The following GRIK1 variants were observed in gnomAD, a reference collection of about 807,000 sequenced individuals.
GRIK1 encodes glutamate ionotropic receptor kainate type subunit 1.
Under a neutral mutation model 105.7 loss-of-function variants are expected in GRIK1, and 69 were observed. The ratio of observed to expected loss-of-function variants is 0.65; its 90% CI spans 0.54 to 0.80. The LOEUF (loss-of-function observed/expected upper bound fraction) is 0.80, where lower values mean the gene tolerates loss of function less well. Ranked by LOEUF, GRIK1 falls within the 30% of genes least tolerant of loss-of-function variation. GRIK1 has a pLI of 0.00. For synonymous variants in GRIK1, 438 were observed against 431.3 expected, an observed-to-expected ratio of 1.02 and a Z score of -0.19; for missense variants, 1,109 against 1,167.3, an observed-to-expected ratio of 0.95 and a Z score of 0.73.
chr21:29,698,766 TCTC>T (rs1264704825), intron 1 of GRIK1, among the ~76,000 whole-genome samples: 1 of 152,056 alleles, frequency 6.6e-6, no homozygotes. Context: ...CCCAGCCTCT[TCTC>T]CACCTCACCC....
intron 5 of GRIK1, among the ~76,000 whole-genome samples, chr21:29,653,430 TA>T (rs1384805928): frequency 4.6e-5 from 7 of 152,190 alleles, no homozygotes; most frequent in Admixed American, 1.3e-4. Flanking sequence ...GAATGAGTGT[TA>T]GGGGTGAAGA....
chr21:29,807,020 C>T (rs1005089612), intron 1 of GRIK1, among the ~76,000 whole-genome samples: 11 of 152,144 alleles, frequency 7.2e-5, no homozygotes, highest in Non-Finnish European at 1.5e-5. Context: ...CTTTTCCATA[C>T]GACTTGATTC....
intron 7 of GRIK1, among the ~76,000 whole-genome samples, chr21:29,609,189 T>C (rs2061679465): frequency 6.6e-6 from 1 of 151,564 alleles, no homozygotes; most frequent in South Asian, 2.1e-4. Context: ...ACATATCTTA[T>C]TAAAAGAATA....
intron 1 of GRIK1, among the ~76,000 whole-genome samples, chr21:29,887,798 G>A (rs2069690863): frequency 6.6e-6 from 1 of 152,020 alleles, no homozygotes; most frequent in Non-Finnish European, 1.5e-5. Context: ...CAGGAGAAGG[G>A]GAATGTGGAA....
At chr21:29,768,123 A>T (rs1601643746) in intron 1 of GRIK1, among the ~76,000 whole-genome samples, 1 of 152,142 alleles carries the variant, frequency 6.6e-6, no homozygotes, top group Non-Finnish European at 1.5e-5. Flanking sequence ...GAAAATGATT[A>T]TCGAGAGTTT....
At chr21:29,880,949 C>G (rs554945987) in intron 1 of GRIK1, among the ~76,000 whole-genome samples, 9 of 152,110 alleles carry the variant, frequency 5.9e-5, no homozygotes, top group African/African-American at 2.2e-4. Context: ...GTGAAGATCT[C>G]TGAGGTTAGT....
chr21:29,550,986 C>T (rs1205616424), intron 16 of GRIK1, among the ~76,000 whole-genome samples: 4 of 152,124 alleles, frequency 2.6e-5, no homozygotes, highest in Non-Finnish European at 4.4e-5. Context: ...TGAGTGGCTA[C>T]TATGTGCCAA....
chr21:29,900,530 G>T (rs1978912895), intron 1 of GRIK1, among the ~76,000 whole-genome samples: 1 of 143,430 alleles, frequency 7.0e-6, no homozygotes, highest in Non-Finnish European at 1.5e-5. Context: ...AACCAACAAA[G>T]ATCAAAAGAG....
In GRIK1 at chr21:29,577,007, T is replaced by C; in HGVS notation, c.2087A>G (p.Glu696Gly). ...ADDLAKQTKI[E>G]YGAVRDGSTM... ...TGATCCATCTCTAACCGCCCCATAT[T>C]CTATCTTGGTTTGCTTTGCCAGATC... The change falls in exon 14 of 18, where the codon GAA becomes GGA. Residue 696 changes from glutamate to glycine, a missense_variant. Coordinates refer to ENST00000327783, the MANE Select transcript of GRIK1 (RefSeq NM_001330994.2). 6.2e-7 allele frequency: 1 copy of C among 1,613,684 alleles called. No individual in the cohort carries two copies. The highest frequency in any genetic ancestry group is 8.5e-7 in the Non-Finnish European group (1 of 1,179,644).
At chr21:29,777,361 T>C (rs1053792321) in intron 1 of GRIK1, among the ~76,000 whole-genome samples, 2 of 152,206 alleles carry the variant, frequency 1.3e-5, no homozygotes, top group African/African-American at 4.8e-5. Context: ...AAGGTCCCAG[T>C]CGTTGCTTAG....
rs528087168 is a variant in GRIK1, at chr21:29,738,265, G to A, written c.119-44202C>T. ...GTTTGTGTGGGGTGTGTATATGTGT[G>A]CTCACGAACACTCATATGTGTATAT... On this transcript the variant is annotated intron_variant, in intron 1 of 17. Transcript: ENST00000327783. Among the ~76,000 whole-genome samples the A allele has an allele frequency of 2.0e-5, 3 of 152,322 alleles. No individual in the cohort carries two copies. In the South Asian group the frequency reaches 6.2e-4, roughly 32 times the overall value.
Position 29,738,855 on chromosome 21 carries a change from A to G in GRIK1, c.119-44792T>C, listed in dbSNP as rs545054025. Among the ~76,000 whole-genome samples, 9 of 152,382 alleles carry G rather than the reference A, an allele frequency of 5.9e-5. No homozygotes were observed. The South Asian group carries it at 1.2e-3, about 21-fold the overall frequency. ...TACTAAAATATCTTCAGATAAAGAA[A>G]CTAGATATTGCTCTTGGAAACAATA... On this transcript the variant is annotated intron_variant, in intron 1 of 17. Coordinates refer to ENST00000327783, the MANE Select transcript of GRIK1 (RefSeq NM_001330994.2).
intron 1 of GRIK1, among the ~76,000 whole-genome samples, chr21:29,787,080 C>T (rs1201096848): frequency 3.9e-5 from 6 of 152,138 alleles, no homozygotes; most frequent in East Asian, 1.9e-4. Flanking sequence ...TACATATTTA[C>T]GATGTCATTG....
At chr21:29,708,097 A>T (rs2063961243) in intron 1 of GRIK1, among the ~76,000 whole-genome samples, 1 of 152,216 alleles carries the variant, frequency 6.6e-6, no homozygotes, top group African/African-American at 2.4e-5. Context: ...AGCAATTTAT[A>T]TGTGCATCCA....
chr21:29,867,797 G>GAAGA (rs548130429), intron 1 of GRIK1, among the ~76,000 whole-genome samples: 25,727 of 136,570 alleles, frequency 0.19, 2,969 homozygotes, highest in East Asian at 0.37. Flanking sequence ...TATGTCGAAA[G>GAAGA]AAGAAAGAAA....
At chr21:29,573,380 T>C (rs1284523421) in intron 14 of GRIK1, among the ~76,000 whole-genome samples, 4 of 152,130 alleles carry the variant, frequency 2.6e-5, no homozygotes, top group Admixed American at 6.5e-5. Flanking sequence ...TTCAGGGTCC[T>C]GCCAGGAAAA....
chr21:29,818,891 A>G (rs2067225686), intron 1 of GRIK1, among the ~76,000 whole-genome samples: 2 of 152,060 alleles, frequency 1.3e-5, no homozygotes, highest in Non-Finnish European at 2.9e-5. Context: ...TGAATGTGGA[A>G]TATGGCCAGG....
At chr21:29,579,464 G>A (rs1304946932) in intron 13 of GRIK1, among the ~76,000 whole-genome samples, 4 of 152,160 alleles carry the variant, frequency 2.6e-5, no homozygotes, top group South Asian at 4.2e-4. Context: ...TGCCTTTTAC[G>A]GCAGACATGA....
In GRIK1 at chr21:29,589,019, C is replaced by A. The variant is rs554867662; in HGVS notation, c.1389G>T (p.Arg463Ser). The stretch of plus-strand genomic sequence containing the variant: ...TTCCATATAGAGGCTTATCAGATTT[C>A]CTGTACATAACATAGGGTTCTTCCT... ...TILEEPYVMY[R>S]KSDKPLYGND... The change falls in exon 11 of 18, where the codon AGG (arginine) becomes AGT (serine). Residue 463 changes from arginine (R) to serine (S), a missense_variant. Physicochemically the swap from Arg to Ser is moderately radical, Grantham distance 110 (BLOSUM62 -1). Around this residue, in one of 5 missense-constraint regions of GRIK1, gnomAD observed 612 missense variants for 586.0 expected, o/e 1.04. Coordinates refer to ENST00000327783, the MANE Select transcript of GRIK1 (RefSeq NM_001330994.2). 1 of 1,593,182 alleles carries A rather than the reference C, an allele frequency of 6.3e-7. No homozygotes were observed.
Sources: gnomAD v4.1 joint callset for allele counts (sites outside exome capture counted in the v4.1 genomes callset) on GRCh38, gnomAD v4.1.1 for gene constraint, gnomAD v4.1.1 regional missense constraint, MANE v1.5 for transcripts, NCBI Gene and HGNC (gene_info 2026-07-23, HGNC 2026-07-21) for gene names.